The following MARCHF5 variants were observed in gnomAD, a reference collection of about 807,000 sequenced individuals.
The protein encoded by MARCHF5 is membrane associated ring-CH-type finger 5.
MARCHF5 carries 5 observed loss-of-function variants against 36.5 expected under a neutral mutation model. The ratio of observed to expected loss-of-function variants is 0.14; its 90% confidence interval spans 0.07 to 0.29. MARCHF5 has a LOEUF of 0.29. Among genes scored for constraint, MARCHF5 ranks in the 10% least tolerant of loss-of-function variants. The pLI is 1.00. For missense variants in MARCHF5, 179 were observed against 336.3 expected (o/e 0.53, Z 3.66); for synonymous variants, 103 against 109.9 (o/e 0.94, Z 0.39).
chr10:92,345,912 A>T (rs1277572281), intron 3 of MARCHF5, among the ~76,000 whole-genome samples: 2 of 151,382 alleles, frequency 1.3e-5, no homozygotes, highest in Non-Finnish European at 2.9e-5. Flanking sequence ...CCAGTCTCAA[A>T]CTCCTAGACT....
intron 2 of MARCHF5, among the ~76,000 whole-genome samples, chr10:92,320,983 C>G (rs898048161): frequency 3.3e-5 from 5 of 152,026 alleles, no homozygotes; most frequent in African/African-American, 1.2e-4. Context: ...CATCTTTTAT[C>G]TTTTATACCA....
chr10:92,302,261 G>A (rs1278449700), intron 1 of MARCHF5, among the ~76,000 whole-genome samples: 1 of 151,858 alleles, frequency 6.6e-6, no homozygotes, highest in Non-Finnish European at 1.5e-5. Context: ...TTTTCTTTTT[G>A]GTAATGTGTC....
intron 3 of MARCHF5, among the ~76,000 whole-genome samples, chr10:92,348,089 AGGAGAATTGCTTGAACCTG>A (rs1474435484): frequency 6.6e-6 from 1 of 152,012 alleles, no homozygotes; most frequent in Non-Finnish European, 1.5e-5. Flanking sequence ...AGGCTGAGGC[AGGAGAATTGCTTGAACCTG>A]GGAGGCAGAG....
chr10:92,315,160 C>T (rs1417417610), intron 2 of MARCHF5, among the ~76,000 whole-genome samples: 1 of 152,118 alleles, frequency 6.6e-6, no homozygotes, highest in Non-Finnish European at 1.5e-5. Flanking sequence ...TAAAAAGTTG[C>T]TTGTATTTCT....
chr10:92,340,914 G>C (rs1262942533), intron 3 of MARCHF5, 111 bp downstream of exon 3: 2 of 988,864 alleles, frequency 2.0e-6, no homozygotes, highest in Non-Finnish European at 2.8e-6. Flanking sequence ...ACATTCTCAT[G>C]TTCTTTCTAA....
chr10:92,319,287 A>G (rs2135193749), intron 2 of MARCHF5, among the ~76,000 whole-genome samples: 1 of 146,854 alleles, frequency 6.8e-6, no homozygotes, highest in East Asian at 2.0e-4. Flanking sequence ...TGGTTTATGT[A>G]TCTACTTTAC....
Position 92,313,043 on chromosome 10 carries a change from G to A in MARCHF5, c.238+1706G>A, listed in dbSNP as rs546008083. On this transcript the variant is annotated intron_variant, in intron 2 of 5. Transcript: ENST00000358935. ...GAGGTCAGGAGTTCGAGACCAACCC[G>A]GCCAATATGGTGAAACTATGTCTTT... 3.9e-5 allele frequency among the ~76,000 whole-genome samples: 6 copies of A among 152,056 alleles called. No homozygotes were observed. In the South Asian group the frequency reaches 8.3e-4, roughly 21 times the overall value.
chr10:92,297,550 G>A (rs915099619), intron 1 of MARCHF5, among the ~76,000 whole-genome samples: 4 of 145,878 alleles, frequency 2.7e-5, no homozygotes, highest in East Asian at 2.0e-4. Flanking sequence ...GTGCAATGGC[G>A]TGGTCTCGGC....
chr10:92,326,761 C>T (rs1843365426), intron 2 of MARCHF5, among the ~76,000 whole-genome samples: 1 of 150,650 alleles, frequency 6.6e-6, no homozygotes, highest in Non-Finnish European at 1.5e-5. Flanking sequence ...GAAGATGGAG[C>T]AACTGCAATA....
intron 1 of MARCHF5, 56 bp from the exon 2 acceptor site, chr10:92,311,079 G>A: frequency 7.6e-7 from 1 of 1,309,362 alleles, no homozygotes; most frequent in Non-Finnish European, 1.1e-6. Flanking sequence ...CTGCAGTATA[G>A]AGGAGGCTGG....
intron 3 of MARCHF5, among the ~76,000 whole-genome samples, chr10:92,342,304 A>C (rs1459033932): frequency 6.6e-6 from 1 of 151,698 alleles, no homozygotes; most frequent in Non-Finnish European, 1.5e-5. Flanking sequence ...ACACACCACT[A>C]TGCCCAGCTA....
Position 92,352,285 on chromosome 10 carries a change from G to T in MARCHF5, c.*1078G>T, listed in dbSNP as rs1843725522. On this transcript the variant is annotated 3_prime_UTR_variant, in exon 6 of 6. Coordinates refer to ENST00000358935, the MANE Select transcript of MARCHF5 (RefSeq NM_017824.5). ...TTGAGCTCTTTGTTTTTATATTAAT[G>T]AGGAGAAAAGTATGAAAACAAGAAG... 1 of 152,196 alleles carries T rather than the reference G, an allele frequency of 6.6e-6. No individual in the cohort carries two copies. 9.4% of individuals were successfully genotyped at this position (152,196 alleles called of 1,614,324 possible). A position where few individuals can be genotyped will look rare whatever the true frequency, so the allele number is the denominator to read the frequency against.
chr10:92,351,877 TGAA>T lies in MARCHF5; in HGVS notation c.*672_*674del, dbSNP rs1196168358. On this transcript the variant is annotated 3_prime_UTR_variant, in exon 6 of 6. Coordinates refer to ENST00000358935, the MANE Select transcript of MARCHF5 (RefSeq NM_017824.5). ...CATAATGTTGACATCTCATACTTCA[TGAA>T]GTAATTTTGACTCATGCAGTCGTGT... 6.7e-6 allele frequency: 1 copy of T among 150,308 alleles called. No individual in the cohort carries two copies. The highest frequency in any genetic ancestry group is 1.5e-5 in the Non-Finnish European group (1 of 67,438). The allele number at this position is 150,308 out of a possible 1,614,324, so 9.3% of individuals were successfully genotyped here. A position where few individuals can be genotyped will look rare whatever the true frequency, so the allele number is the denominator to read the frequency against.
At chr10:92,329,444 G>A (rs1016784096) in intron 2 of MARCHF5, among the ~76,000 whole-genome samples, 2 of 152,164 alleles carry the variant, frequency 1.3e-5, no homozygotes, top group South Asian at 4.1e-4. Flanking sequence ...AAAACTTCAT[G>A]GCTTCAATTT....
chr10:92,330,069 C>T (rs1843418231), intron 2 of MARCHF5, among the ~76,000 whole-genome samples: 1 of 152,172 alleles, frequency 6.6e-6, no homozygotes, highest in African/African-American at 2.4e-5. Flanking sequence ...TCTTAAACTC[C>T]TGACCTCAGG....
chr10:92,301,361 G>A (rs774259188), intron 1 of MARCHF5, among the ~76,000 whole-genome samples: 1 of 152,178 alleles, frequency 6.6e-6, no homozygotes, highest in Non-Finnish European at 1.5e-5. Context: ...CTAAGAAATG[G>A]GAAATGTAAA....
chr10:92,332,076 T>G (rs1031497481), intron 2 of MARCHF5, among the ~76,000 whole-genome samples: 2 of 150,356 alleles, frequency 1.3e-5, no homozygotes, highest in African/African-American at 4.9e-5. Context: ...TTTTTTCTTT[T>G]TTTGGTCAGA....
chr10:92,293,608 T>TAA (rs771787448), intron 1 of MARCHF5, among the ~76,000 whole-genome samples: 14 of 126,648 alleles, frequency 1.1e-4, no homozygotes, highest in African/African-American at 3.2e-4. Context: ...CTGTCTCTAC[T>TAA]AAAAAAAAAA....
chr10:92,319,385 T>C (rs1175497323), intron 2 of MARCHF5, among the ~76,000 whole-genome samples: 1 of 149,834 alleles, frequency 6.7e-6, no homozygotes, highest in Non-Finnish European at 1.5e-5. Context: ...AAGCTCCGCC[T>C]CCCGGGTTCA....
Sources: allele counts gnomAD v4.1 joint callset (sites outside exome capture counted in the v4.1 genomes callset), GRCh38; gene constraint gnomAD v4.1.1; transcripts MANE v1.5; gene names NCBI Gene and HGNC (gene_info 2026-07-23, HGNC 2026-07-21).